The following NDUFAF6 variants were observed in gnomAD, a reference collection of about 807,000 sequenced individuals.
NDUFAF6 encodes the protein NADH dehydrogenase (ubiquinone) complex I, assembly factor 6.
Under a neutral mutation model 40.8 loss-of-function variants are expected in NDUFAF6, and 45 were observed. The ratio of observed to expected loss-of-function variants is 1.10; its 90% CI spans 0.87 to 1.42. The LOEUF is 1.42. Ranked by LOEUF, NDUFAF6 falls within the 40% of genes most tolerant of loss-of-function variation. NDUFAF6 has a pLI of 0.00. For missense variants in NDUFAF6, 435 were observed against 418.5 expected (o/e 1.04, Z -0.34); for synonymous variants, 185 against 155.9 (o/e 1.19, Z -1.39).
Position 95,037,576 on chromosome 8 carries a change from C to T in NDUFAF6, c.420+2000C>T, listed in dbSNP as rs772570611. Among the ~76,000 whole-genome samples the T allele has an allele frequency of 6.6e-5, 10 of 152,100 alleles. No homozygotes were observed. In the South Asian group the frequency reaches 1.0e-3, roughly 16 times the overall value. On this transcript the variant is annotated intron_variant, in intron 3 of 8. Transcript: ENST00000396124. Reference sequence around the variant, plus strand: ...TGCCATGTAGTAGTAGTAGTAGTGCCGAGAACACTTAAGAACTAACGCCTT... The same window carrying T: ...TGCCATGTAGTAGTAGTAGTAGTGCTGAGAACACTTAAGAACTAACGCCTT...
chr8:94,956,618 C>T (rs989674102), upstream of NDUFAF6, among the ~76,000 whole-genome samples: 5 of 152,068 alleles, frequency 3.3e-5, no homozygotes, highest in Non-Finnish European at 7.4e-5. Context: ...TCAAAAGAAT[C>T]CCCCTGGCTA....
upstream of NDUFAF6, among the ~76,000 whole-genome samples, chr8:95,023,706 A>G (rs969088882): frequency 6.6e-6 from 1 of 152,200 alleles, no homozygotes; most frequent in African/African-American, 2.4e-5. Flanking sequence ...TACCAAAGGA[A>G]GCCAACATAC....
At chr8:95,045,799 CAAG>C (rs1830681572) in intron 5 of NDUFAF6, 152 bp downstream of exon 5, 2 of 626,220 alleles carry the variant, frequency 3.2e-6, no homozygotes, top group South Asian at 2.0e-5. Context: ...TTATTATTAG[CAAG>C]AAGAAGAATT....
chr8:95,115,966 C>T (rs1263683974), intron 5 of NDUFAF6, among the ~76,000 whole-genome samples: 1 of 152,026 alleles, frequency 6.6e-6, no homozygotes, highest in Non-Finnish European at 1.5e-5. Flanking sequence ...GGTGAAAACC[C>T]GTCTCTACCA....
intron 1 of NDUFAF6, among the ~76,000 whole-genome samples, chr8:94,941,646 AG>A (rs1284514088): frequency 7.2e-5 from 11 of 152,224 alleles, no homozygotes; most frequent in African/African-American, 2.4e-4. Flanking sequence ...TTTACACTGT[AG>A]GAAACTGAGC....
intron 1 of NDUFAF6, among the ~76,000 whole-genome samples, chr8:94,962,654 C>G (rs1175414586): frequency 2.0e-5 from 3 of 151,208 alleles, no homozygotes; most frequent in Admixed American, 6.6e-5. Context: ...ACTCTGTTTC[C>G]CAGGCTTGAG....
At chr8:95,083,171 G>A (rs745805970) in intron 2 of NDUFAF6, among the ~76,000 whole-genome samples, 123 of 152,194 alleles carry the variant, frequency 8.1e-4, no homozygotes, top group Admixed American at 1.0e-3. Flanking sequence ...GGTAAATTGT[G>A]TAAGGTGATG....
chr8:95,018,010 T>C (rs1282303152), intron 2 of NDUFAF6, among the ~76,000 whole-genome samples: 2 of 152,238 alleles, frequency 1.3e-5, no homozygotes, highest in African/African-American at 4.8e-5. Flanking sequence ...TCTGCCATCC[T>C]GATTTAGAAA....
chr8:95,096,831 G>A (rs73262475), upstream of NDUFAF6, among the ~76,000 whole-genome samples: 2,761 of 152,290 alleles, frequency 0.018, 61 homozygotes, highest in African/African-American at 0.049. Flanking sequence ...GGGCAAGAAC[G>A]TGCAAGTCTG....
Position 95,031,985 on chromosome 8 carries a change from T to C in NDUFAF6, c.198-10T>C. ...GAAGAGTAACTGTCTTTTTTTTCTG[T>C]CTGTTACAGGAAACGGGATTATGAA... On this transcript the variant is annotated splice_polypyrimidine_tract_variant and intron_variant, in intron 1 of 8. Transcript: ENST00000396124. 6.2e-7 allele frequency: 1 copy of C among 1,610,048 alleles called. No homozygotes were observed. The highest frequency in any genetic ancestry group is 8.5e-7 in the Non-Finnish European group (1 of 1,176,342).
intron 1 of NDUFAF6, among the ~76,000 whole-genome samples, chr8:94,938,879 G>A (rs1188127939): frequency 6.6e-6 from 1 of 152,244 alleles, no homozygotes; most frequent in African/African-American, 2.4e-5. Flanking sequence ...TTGGTCAGAA[G>A]CATAAGTAAA....
At chr8:95,061,820 T>C (rs1487036969), downstream of NDUFAF6, among the ~76,000 whole-genome samples, 3 of 152,150 alleles carry the variant, frequency 2.0e-5, no homozygotes, top group Non-Finnish European at 4.4e-5. Flanking sequence ...CAAAGAGTTA[T>C]TAGCTACAGG....
chr8:95,011,192 C>T (rs776340028), intron 2 of NDUFAF6, among the ~76,000 whole-genome samples: 1 of 152,182 alleles, frequency 6.6e-6, no homozygotes, highest in African/African-American at 2.4e-5. Flanking sequence ...TTCAGTGACA[C>T]GTGCTAGCCA....
intron 1 of NDUFAF6, among the ~76,000 whole-genome samples, chr8:94,896,886 C>T (rs927289129): frequency 6.6e-6 from 1 of 152,184 alleles, no homozygotes; most frequent in Admixed American, 6.5e-5. Context: ...CCCTAATTTA[C>T]CTGTAGGAGC....
chr8:95,075,141 T>C (rs974315451), intron 9 of NDUFAF6, among the ~76,000 whole-genome samples: 10 of 152,086 alleles, frequency 6.6e-5, no homozygotes, highest in Admixed American at 5.9e-4. Context: ...AACAGACAAA[T>C]GAAAGAGCTC....
At chr8:94,984,550 G>A (rs1825684345) in intron 2 of NDUFAF6, among the ~76,000 whole-genome samples, 1 of 152,178 alleles carries the variant, frequency 6.6e-6, no homozygotes, top group Non-Finnish European at 1.5e-5. Context: ...AACTCAGAGG[G>A]CAAAACAGTC....
chr8:94,928,413 A>C (rs1001857039), intron 1 of NDUFAF6: 3 of 152,402 alleles, frequency 2.0e-5, no homozygotes, highest in African/African-American at 7.2e-5. Flanking sequence ...GTCTATTTTC[A>C]AGTTACCAAT....
intron 1 of NDUFAF6, among the ~76,000 whole-genome samples, chr8:94,964,632 C>G (rs948625925): frequency 1.3e-5 from 2 of 151,948 alleles, no homozygotes; most frequent in African/African-American, 4.8e-5. Context: ...AGCAAGAGAG[C>G]GAGAAGGAGG....
At chr8:94,953,270 C>T (rs1414237354), upstream of NDUFAF6, among the ~76,000 whole-genome samples, 1 of 150,946 alleles carries the variant, frequency 6.6e-6, no homozygotes, top group African/African-American at 2.4e-5. Context: ...TCGCTTGAAC[C>T]GGGGAGGCGG....
Sources: gnomAD v4.1 joint callset for allele counts (sites outside exome capture counted in the v4.1 genomes callset) on GRCh38, gnomAD v4.1.1 for gene constraint, MANE v1.5 for transcripts, NCBI Gene and HGNC (gene_info 2026-07-23, HGNC 2026-07-21) for gene names.